Variants in RGS17 observed in about 807,000 individuals in gnomAD.
RGS17 encodes regulator of G protein signaling 17, also known as regulator of G-protein signaling 17.
In RGS17, 12 loss-of-function variants were observed where a neutral mutation model predicts 25.5. The ratio of observed to expected loss-of-function variants is 0.47; its 90% CI spans 0.30 to 0.76. RGS17 has a LOEUF of 0.76. Among genes scored for constraint, RGS17 ranks in the 30% least tolerant of loss-of-function variants. The pLI is 0.07. For missense variants in RGS17, 196 were observed against 242.2 expected (o/e 0.81, Z 1.27); for synonymous variants, 71 against 76.9 (o/e 0.92, Z 0.40).
chr6:153,024,572 C>G, intron 3 of RGS17, 76 bp from the exon 4 acceptor site: 1 of 1,094,894 alleles, frequency 9.1e-7, no homozygotes, highest in African/African-American at 1.6e-5. Flanking sequence ...AGGAGAGGAG[C>G]AGATAGAAAT....
chr6:153,021,055 A>G (rs763185595), intron 4 of RGS17, among the ~76,000 whole-genome samples: 13 of 152,198 alleles, frequency 8.5e-5, no homozygotes, highest in African/African-American at 3.1e-4. Context: ...GACCTTTTCA[A>G]TAGCTTCATA....
intron 1 of RGS17, among the ~76,000 whole-genome samples, chr6:153,070,435 G>T (rs553347143): frequency 1.3e-5 from 2 of 152,182 alleles, no homozygotes; most frequent in Admixed American, 1.3e-4. Context: ...ATGTTAAATA[G>T]TTATGTCTAT....
At position 153,068,238 on chromosome 6, in the gene RGS17, A is replaced by G. The variant is rs1178703329; in HGVS notation, c.-25-24195T>C. ...GGCGGGTAGATCACCTGAGGTCAGG[A>G]ATTTGAGACCAGCCTGACAAACATG... On this transcript the variant is annotated intron_variant, in intron 1 of 4. Transcript: ENST00000206262. Among the ~76,000 whole-genome samples the G allele has an allele frequency of 2.0e-5, 3 of 152,164 alleles. No homozygotes were observed. In the East Asian group the frequency reaches 5.8e-4, roughly 29 times the overall value.
At chr6:153,057,223 T>C (rs1325091341) in intron 1 of RGS17, among the ~76,000 whole-genome samples, 3 of 151,912 alleles carry the variant, frequency 2.0e-5, no homozygotes, top group Non-Finnish European at 4.4e-5. Context: ...CTTCATATTC[T>C]TAACTTGGGA....
intron 4 of RGS17, among the ~76,000 whole-genome samples, chr6:153,019,648 T>C (rs904817689): frequency 2.6e-5 from 4 of 152,138 alleles, no homozygotes; most frequent in Non-Finnish European, 4.4e-5. Flanking sequence ...CCCCACCCCT[T>C]GCTCCTGCTT....
At chr6:153,053,409 T>A (rs919133265) in intron 1 of RGS17, among the ~76,000 whole-genome samples, 4 of 152,206 alleles carry the variant, frequency 2.6e-5, no homozygotes, top group Non-Finnish European at 5.9e-5. Flanking sequence ...TTCGGGAAGA[T>A]AACGATCAGG....
At chr6:153,089,056 A>G (rs894401555) in intron 1 of RGS17, among the ~76,000 whole-genome samples, 18 of 152,104 alleles carry the variant, frequency 1.2e-4, no homozygotes, top group Non-Finnish European at 2.2e-4. Context: ...TCCCACCTAT[A>G]AAAGGATTTT....
At chr6:153,066,458 T>G (rs1163217276) in intron 1 of RGS17, among the ~76,000 whole-genome samples, 1 of 151,998 alleles carries the variant, frequency 6.6e-6, no homozygotes, top group African/African-American at 2.4e-5. Context: ...CTCAAACTAT[T>G]CTGAAAAATA....
intron 1 of RGS17, among the ~76,000 whole-genome samples, chr6:153,109,170 ATT>A (rs11290666): frequency 0.012 from 1,762 of 151,322 alleles, 21 homozygotes; most frequent in South Asian, 0.049. Flanking sequence ...GCTAAACGCC[ATT>A]TTTTTTTCAT....
intron 1 of RGS17, among the ~76,000 whole-genome samples, chr6:153,067,906 T>C (rs1776732574): frequency 6.6e-6 from 1 of 152,146 alleles, no homozygotes; most frequent in Non-Finnish European, 1.5e-5. Flanking sequence ...GATTTCAAAT[T>C]ATTCTACAGA....
chr6:153,054,690 T>TAAATAAAA (rs1452237367), intron 1 of RGS17, among the ~76,000 whole-genome samples: 6 of 145,954 alleles, frequency 4.1e-5, no homozygotes, highest in Admixed American at 2.1e-4. Flanking sequence ...AATAAATAAA[T>TAAATAAAA]AAAAAGATTT....
At chr6:153,067,224 G>A (rs188787446) in intron 1 of RGS17, among the ~76,000 whole-genome samples, 1 of 152,124 alleles carries the variant, frequency 6.6e-6, no homozygotes, top group Non-Finnish European at 1.5e-5. Context: ...GGAAAAAAAT[G>A]GAAAGCCTTT....
At chr6:153,032,548 G>A (rs375075800) in intron 2 of RGS17, among the ~76,000 whole-genome samples, 1 of 33,404 alleles carries the variant, frequency 3.0e-5, no homozygotes, top group South Asian at 1.4e-3. Flanking sequence ...CTGAAAAAAA[G>A]TTTCTGCGGG....
chr6:153,030,885 T>G (rs1779355154), intron 2 of RGS17, among the ~76,000 whole-genome samples: 1 of 152,184 alleles, frequency 6.6e-6, no homozygotes, highest in Non-Finnish European at 1.5e-5. Flanking sequence ...CGGACAGAAC[T>G]GTGCATATGG....
chr6:153,094,314 AG>A (rs1777175930), intron 1 of RGS17, among the ~76,000 whole-genome samples: 2 of 152,104 alleles, frequency 1.3e-5, no homozygotes, highest in Non-Finnish European at 2.9e-5. Flanking sequence ...CCTGGGCTCA[AG>A]CAATCCACTC....
intron 1 of RGS17, among the ~76,000 whole-genome samples, chr6:153,054,064 A>G (rs1776513790): frequency 3.5e-5 from 2 of 57,414 alleles, no homozygotes; most frequent in African/African-American, 1.5e-4. Flanking sequence ...TATAATATAT[A>G]TACATATATA....
At chr6:153,025,419 T>C (rs958376115) in intron 3 of RGS17, among the ~76,000 whole-genome samples, 4 of 151,930 alleles carry the variant, frequency 2.6e-5, no homozygotes, top group Non-Finnish European at 4.4e-5. Flanking sequence ...GACACTGACA[T>C]TGGGGAATTT....
chr6:153,064,472 T>C (rs1309918480), intron 1 of RGS17, among the ~76,000 whole-genome samples: 1 of 151,920 alleles, frequency 6.6e-6, no homozygotes, highest in Non-Finnish European at 1.5e-5. Flanking sequence ...CTACTAAAAA[T>C]ACAAAAAATT....
intron 1 of RGS17, among the ~76,000 whole-genome samples, chr6:153,059,460 G>T (rs932935441): frequency 6.6e-6 from 1 of 152,034 alleles, no homozygotes; most frequent in South Asian, 2.1e-4. Flanking sequence ...TGCCCTTTAG[G>T]GGGTACTGGC....
Sources: allele counts gnomAD v4.1 joint callset (sites outside exome capture counted in the v4.1 genomes callset), GRCh38; gene constraint gnomAD v4.1.1; transcripts MANE v1.5; gene names NCBI Gene and HGNC (gene_info 2026-07-23, HGNC 2026-07-21).